ELMO1: variants seen among roughly 807,000 people sequenced by gnomAD.
ELMO1 encodes the protein engulfment and cell motility protein 1.
ELMO1 carries 26 observed loss-of-function variants against 98.9 expected under a neutral mutation model. That is an observed-to-expected ratio of 0.26 (90% CI 0.19 to 0.36). The LOEUF (loss-of-function observed/expected upper bound fraction) is 0.36, where lower values mean the gene tolerates loss of function less well. Ranked by LOEUF, ELMO1 falls within the 10% of genes least tolerant of loss-of-function variation. ELMO1 has a pLI of 1.00. For missense variants in ELMO1, 627 were observed against 935.2 expected, an observed-to-expected ratio of 0.67 and a Z score of 4.30; for synonymous variants, 346 against 346.0, an observed-to-expected ratio of 1.00 and a Z score of 0.00.
At chr7:37,188,501 A>AAAAAAAAAAAAAAAAT (rs764889756) in intron 13 of ELMO1, among the ~76,000 whole-genome samples, 1 of 125,960 alleles carries the variant, frequency 7.9e-6, no homozygotes, top group Non-Finnish European at 1.6e-5. Context: ...AAAAAAAAAA[A>AAAAAAAAAAAAAAAAT]AATAATAATA....
chr7:36,887,222 C>T (rs1805090262), intron 18 of ELMO1, among the ~76,000 whole-genome samples: 1 of 152,150 alleles, frequency 6.6e-6, no homozygotes, highest in Admixed American at 6.5e-5. Context: ...AGGTATTGGC[C>T]AGAACATAGA....
chr7:36,883,141 A>G (rs1046833443), intron 18 of ELMO1, among the ~76,000 whole-genome samples: 5 of 152,152 alleles, frequency 3.3e-5, no homozygotes, highest in Non-Finnish European at 5.9e-5. Flanking sequence ...CAGGAGTGGT[A>G]GGTACGCATT....
intron 14 of ELMO1, among the ~76,000 whole-genome samples, chr7:37,109,103 C>T (rs1584657387): frequency 6.6e-6 from 1 of 152,100 alleles, no homozygotes; most frequent in Admixed American, 6.5e-5. Context: ...GCACGTATTC[C>T]CACAGAGAAT....
At chr7:37,123,014 A>T (rs1786190088) in intron 14 of ELMO1, among the ~76,000 whole-genome samples, 2 of 152,252 alleles carry the variant, frequency 1.3e-5, no homozygotes, top group East Asian at 1.9e-4. Flanking sequence ...TGGAAACTGA[A>T]CAACCTGCTC....
chr7:37,211,037 C>A, intron 13 of ELMO1: 1 of 209,034 alleles, frequency 4.8e-6, no homozygotes, highest in Non-Finnish European at 9.8e-6. Context: ...CTCAATAACC[C>A]AATAATAAGA....
intron 1 of ELMO1, among the ~76,000 whole-genome samples, chr7:37,394,750 G>A (rs1803221120): frequency 6.6e-6 from 1 of 152,134 alleles, no homozygotes; most frequent in Non-Finnish European, 1.5e-5. Context: ...GGCCTGGGGG[G>A]CTTCTGGGTT....
intron 5 of ELMO1, among the ~76,000 whole-genome samples, chr7:37,267,029 ATGTAT>A (rs1562567160): frequency 2.1e-5 from 2 of 96,618 alleles, no homozygotes; most frequent in African/African-American, 4.2e-5. Flanking sequence ...AAAAAAAAAT[ATGTAT>A]ATATACACAC....
chr7:37,080,177 T>G (rs921371279), intron 15 of ELMO1, among the ~76,000 whole-genome samples: 3 of 152,140 alleles, frequency 2.0e-5, no homozygotes, highest in Non-Finnish European at 2.9e-5. Flanking sequence ...AATCCAACCT[T>G]TTTACAGTAC....
At chr7:37,047,660 C>T (rs1795871568) in intron 15 of ELMO1, among the ~76,000 whole-genome samples, 1 of 152,178 alleles carries the variant, frequency 6.6e-6, no homozygotes, top group Admixed American at 6.5e-5. Context: ...CATGGCTTGT[C>T]ACTACAAACG....
At chr7:37,292,742 G>A (rs1486495106) in intron 4 of ELMO1, among the ~76,000 whole-genome samples, 1 of 109,194 alleles carries the variant, frequency 9.2e-6, no homozygotes, top group African/African-American at 3.1e-5. Flanking sequence ...GAGGTGGGGG[G>A]GTCAGCCCCC....
rs541136370 is a variant in ELMO1 at position 37,172,686 on chromosome 7, G to A, written c.1086+38700C>T. Among the ~76,000 whole-genome samples the A allele has an allele frequency of 1.4e-4, 21 of 152,222 alleles. 1 individual carries two copies. The highest frequency in any genetic ancestry group is 3.4e-3 in the Middle Eastern group (1 of 294). On this transcript the variant is annotated intron_variant, in intron 13 of 21. Coordinates refer to ENST00000310758, the MANE Select transcript of ELMO1 (RefSeq NM_014800.11). ...GCTTGTCTTAGGCGAGTACATTGCC[G>A]ACAATACCAGAACTAGAACTCAAGC...
intron 13 of ELMO1, among the ~76,000 whole-genome samples, chr7:37,177,456 C>T (rs986441398): frequency 2.6e-5 from 4 of 152,160 alleles, no homozygotes; most frequent in Non-Finnish European, 5.9e-5. Flanking sequence ...TAGTAATATT[C>T]AAGTTACAGC....
intron 15 of ELMO1, among the ~76,000 whole-genome samples, chr7:37,056,941 G>A (rs927191831): frequency 2.6e-5 from 4 of 152,110 alleles, no homozygotes; most frequent in African/African-American, 9.7e-5. Flanking sequence ...CTATTTCATA[G>A]GATGGCTTCA....
chr7:37,280,587 CAT>C (rs562230306), intron 4 of ELMO1, among the ~76,000 whole-genome samples: 33 of 151,814 alleles, frequency 2.2e-4, no homozygotes, highest in African/African-American at 8.0e-4. Flanking sequence ...GGCCAAGAAA[CAT>C]ATGAAAAAAT....
intron 15 of ELMO1, among the ~76,000 whole-genome samples, chr7:37,046,830 G>A (rs1247973152): frequency 1.3e-5 from 2 of 152,122 alleles, no homozygotes; most frequent in African/African-American, 4.8e-5. Flanking sequence ...TTTTCTTAAG[G>A]GAACCTGGGA....
chr7:37,052,501 T>C (rs1796161480), intron 15 of ELMO1, among the ~76,000 whole-genome samples: 1 of 152,188 alleles, frequency 6.6e-6, no homozygotes, highest in African/African-American at 2.4e-5. Flanking sequence ...ATATCCAATA[T>C]TTGCCTTCAT....
At chr7:37,373,087 T>C (rs115656884) in intron 1 of ELMO1, among the ~76,000 whole-genome samples, 1,534 of 152,298 alleles carry the variant, frequency 0.01, 35 homozygotes, top group African/African-American at 0.035. Flanking sequence ...TCCTGTCCCA[T>C]TGTCTGCCTT....
intron 1 of ELMO1, among the ~76,000 whole-genome samples, chr7:37,410,207 A>G (rs933294228): frequency 6.6e-6 from 1 of 152,240 alleles, no homozygotes; most frequent in Non-Finnish European, 1.5e-5. Context: ...ATGAAAAAAA[A>G]TGAACTCCCC....
intron 21 of ELMO1, among the ~76,000 whole-genome samples, chr7:36,860,041 T>G (rs1239339429): frequency 6.6e-6 from 1 of 152,184 alleles, no homozygotes; most frequent in East Asian, 1.9e-4. Flanking sequence ...ATAGTAAACA[T>G]ATTTTCTCTT....
Sources: allele counts gnomAD v4.1 joint callset (sites outside exome capture counted in the v4.1 genomes callset), GRCh38; gene constraint gnomAD v4.1.1; transcripts MANE v1.5; gene names NCBI Gene and HGNC (gene_info 2026-07-23, HGNC 2026-07-21).